The following RPAP1 variants were observed in gnomAD, a reference collection of about 807,000 sequenced individuals.
The protein encoded by RPAP1 is RNA polymerase II-associated protein 1.
A neutral mutation model predicts 142.4 loss-of-function variants in RPAP1; 109 were observed. The observed-to-expected ratio is 0.77, with a 90% CI of 0.66 to 0.90. The LOEUF (loss-of-function observed/expected upper bound fraction) is 0.90. Among genes scored for constraint, RPAP1 ranks in the 40% least tolerant of loss-of-function variants. The pLI, the probability that RPAP1 is intolerant of heterozygous loss-of-function variation, is 0.00. For synonymous variants in RPAP1, 704 were observed against 738.9 expected (o/e 0.95, Z 0.77); for missense variants, 1,546 against 1,751.7 (o/e 0.88, Z 2.10).
At chr15:41,520,178 C>T (rs911719292) in intron 22 of RPAP1, 2 of 589,810 alleles carry the variant, frequency 3.4e-6, no homozygotes, top group Non-Finnish European at 6.0e-6. Context: ...AAGTGATCCA[C>T]CCACCTCAGC....
rs8027526 is a variant in RPAP1 at position 41,523,318 on chromosome 15, G to T, written c.2473C>A (p.Gln825Lys). The change falls in exon 18 of 25, where the codon CAG (glutamine) becomes AAG (lysine). Residue 825 changes from glutamine to lysine, a missense_variant. Gln to Lys is a moderately conservative substitution (Grantham distance 53, BLOSUM62 1). This residue lies in a region of RPAP1 where 1,333 missense variants were observed against 1,486.6 expected (regional missense o/e 0.90). Coordinates refer to ENST00000304330, the MANE Select transcript of RPAP1 (RefSeq NM_015540.4). ...AGCAGCAGCTCCTCTGACAGGCGCT[G>T]CATGTCCTGGAGCCAATCCTCCGGG... Reference protein sequence around the residue: ...SCPEDWLQDMQRLSEELLLPL... With the variant: ...SCPEDWLQDMKRLSEELLLPL... The T allele has an allele frequency of 1.2e-6, 2 of 1,611,252 alleles. No individual in the cohort carries two copies. The highest frequency in any genetic ancestry group is 1.1e-5 in the South Asian group (1 of 90,684).
chr15:41,541,640 G>T (rs1361736388), intron 1 of RPAP1, among the ~76,000 whole-genome samples: 1 of 152,134 alleles, frequency 6.6e-6, no homozygotes, highest in Non-Finnish European at 1.5e-5. Flanking sequence ...GAGGTCAGAA[G>T]ATCGAGACCA....
Position 41,524,093 on chromosome 15 carries a change from T to C in RPAP1, c.2234+3A>G, listed in dbSNP as rs2051762864. The C allele has an allele frequency of 6.3e-7, 1 of 1,589,344 alleles. No individual in the cohort carries two copies. Among genetic ancestry groups the C allele is most frequent in the Non-Finnish European group, 8.6e-7 (1 of 1,165,252 alleles). On this transcript the variant is annotated splice_donor_region_variant and intron_variant, in intron 16 of 24. Coordinates refer to ENST00000304330, the MANE Select transcript of RPAP1 (RefSeq NM_015540.4). Reference sequence around the variant, plus strand: ...TGTCCTGTGGGTCCTGGCTATAAACTACCTGATGGTTTCAGCAGGGGTACT... The same window carrying C: ...TGTCCTGTGGGTCCTGGCTATAAACCACCTGATGGTTTCAGCAGGGGTACT...
At position 41,517,873 on chromosome 15, in the gene RPAP1, G is replaced by A; in HGVS notation, c.3973-16C>T. 1.2e-6 allele frequency: 2 copies of A among 1,614,154 alleles called. No homozygotes were observed. Among genetic ancestry groups the A allele is most frequent in the Non-Finnish European group, 1.7e-6 (2 of 1,180,034 alleles). On this transcript the variant is annotated splice_polypyrimidine_tract_variant and intron_variant, in intron 23 of 24. Transcript: ENST00000304330. ...TGACCTCATCCTAGAAGCAGAACAG[G>A]GAGAGGTGGCACTGAGCCGAGGGCT...
At position 41,524,992 on chromosome 15, in the gene RPAP1, TG is replaced by T; in HGVS notation, c.2073del (p.Tyr691Ter). ...AGCCTACCCCCTGCCTCTCCTCACC[TG>T]TAAAGGTAACCGCCCTGGCCATAGG... ...AASYGQGGYLYRELYPVLMRA... is the reference protein window; with the variant it reads ...AASYGQGGYLXRELYPVLMRA... On this transcript the variant is annotated frameshift_variant and splice_region_variant, in exon 15 of 25. Coordinates refer to ENST00000304330, the MANE Select transcript of RPAP1 (RefSeq NM_015540.4). LOFTEE classifies it high-confidence loss of function. 1 of 1,613,086 alleles carries T rather than the reference TG, an allele frequency of 6.2e-7. No homozygotes were observed. The highest frequency in any genetic ancestry group is 1.7e-5 in the Admixed American group (1 of 59,992).
chr15:41,518,281 C>A (rs1392295393), intron 22 of RPAP1, 99 bp from the exon 23 acceptor site: 3 of 1,019,268 alleles, frequency 2.9e-6, no homozygotes, highest in Non-Finnish European at 4.2e-6. Context: ...ATCATGAGGG[C>A]AGAGATCAGG....
At chr15:41,542,476 G>C (rs1490675310) in intron 1 of RPAP1, among the ~76,000 whole-genome samples, 2 of 152,186 alleles carry the variant, frequency 1.3e-5, no homozygotes, top group Non-Finnish European at 2.9e-5. Context: ...GGAAGTGGAT[G>C]AAGTGAGCAA....
chr15:41,522,909 A>G lies in RPAP1; in HGVS notation c.2598T>C (p.Ala866=). Residue 866 remains alanine, a synonymous_variant, in exon 19 of 25, where the codon GCT becomes GCC. Transcript: ENST00000304330. ...NPLSCVPALE[A]PPSLVSLGCS... is the part of the protein sequence containing the mutation. ...AGCCCAGTGACACGAGGCTGGGGGG[A>G]GCTTCAAGGGCTGGCACACAGGACA... 6.4e-7 allele frequency: 1 copy of G among 1,565,744 alleles called. No individual in the cohort carries two copies. The highest frequency in any genetic ancestry group is 8.6e-7 in the Non-Finnish European group (1 of 1,165,082).
chr15:41,525,207 C>G, intron 14 of RPAP1, 59 bp from the exon 15 acceptor site: 1 of 1,476,052 alleles, frequency 6.8e-7, no homozygotes, highest in Non-Finnish European at 9.1e-7. Flanking sequence ...TCCAGCTACT[C>G]TCAGCTGGAC....
rs1040051062 is a variant in RPAP1 at position 41,527,456 on chromosome 15, A to G, written c.1578T>C (p.Pro526=). 3 of 1,614,058 alleles carry G rather than the reference A, an allele frequency of 1.9e-6. No individual in the cohort carries two copies. The highest frequency in any genetic ancestry group is 2.5e-6 in the Non-Finnish European group (3 of 1,180,038). ...KRKSPEEESR[P]PPDLARHDVI... ...CATCATGTCGGGCCAGGTCAGGTGG[A>G]GGCCGGCTTTCTTCTTCAGGGCTTT... is the stretch of plus-strand genomic sequence containing the variant. The change falls in exon 12 of 25, where the codon CCT becomes CCC. Residue 526 remains proline, a synonymous_variant. Transcript: ENST00000304330.
intron 14 of RPAP1, 147 bp downstream of exon 14, chr15:41,526,751 G>T: frequency 1.2e-6 from 1 of 810,412 alleles, no homozygotes; most frequent in Non-Finnish European, 2.0e-6. Context: ...GTTCATGCCT[G>T]GTGATTTCTG....
At chr15:41,536,371 C>A (rs1246394442) in intron 3 of RPAP1, 130 bp downstream of exon 3, 1 of 1,383,464 alleles carries the variant, frequency 7.2e-7, no homozygotes, top group Non-Finnish European at 1.0e-6. Context: ...ACCCAGCCCC[C>A]AACCTGACCT....
chr15:41,522,811 G>A lies in RPAP1; in HGVS notation c.2696C>T (p.Ser899Phe), dbSNP rs758246198. The change falls in exon 19 of 25, where the codon TCT becomes TTT. Residue 899 changes from serine (S) to phenylalanine (F), a missense_variant. Physicochemically the swap from Ser to Phe is radical, Grantham distance 155. Around this residue, in one of 3 missense-constraint regions of RPAP1, gnomAD observed 1,333 missense variants for 1,486.6 expected, o/e 0.90. Transcript: ENST00000304330. Reference sequence around the variant, plus strand: ...GATCTGGGCCAGGGTATTAAGAAGAGAGAGGAGGGCAGTGAGGAATGGGAA... The same window carrying A: ...GATCTGGGCCAGGGTATTAAGAAGAAAGAGGAGGGCAGTGAGGAATGGGAA... ...SPFPFLTALL[S>F]LLNTLAQIHK... is the part of the protein sequence containing the mutation. 5 of 1,584,024 alleles carry A rather than the reference G, an allele frequency of 3.2e-6. No homozygotes were observed. Among genetic ancestry groups the A allele is most frequent in the Admixed American group, 1.9e-5 (1 of 51,988 alleles).
In RPAP1 at chr15:41,518,078, C is replaced by T. The variant is rs376633947; in HGVS notation, c.3900G>A (p.Trp1300Ter). The T allele has an allele frequency of 1.8e-5, 29 of 1,611,492 alleles. No homozygotes were observed. The highest frequency in any genetic ancestry group is 2.5e-5 in the Non-Finnish European group (29 of 1,179,354). ...CAGCCACAGCATAGAGCACGGGGCA[C>T]CAACGTGGGCGGAGCGCACCAGTAA... ...TLVTGALRPRWCPVLYAVAVA... is the reference protein window; with the variant it reads ...TLVTGALRPR The change falls in exon 23 of 25, where the codon TGG becomes TGA. Residue 1300 changes from tryptophan to a stop codon, truncating the protein, a stop_gained. Transcript: ENST00000304330. LOFTEE classifies it high-confidence loss of function.
At chr15:41,530,807 C>T (rs911043542) in intron 7 of RPAP1, among the ~76,000 whole-genome samples, 2 of 152,002 alleles carry the variant, frequency 1.3e-5, no homozygotes, top group Non-Finnish European at 2.9e-5. Context: ...AAAGGGAAGG[C>T]GGAGAAGGGG....
intron 3 of RPAP1, 105 bp downstream of exon 3, chr15:41,536,396 T>C: frequency 6.7e-7 from 1 of 1,482,244 alleles, no homozygotes; most frequent in Non-Finnish European, 9.3e-7. Flanking sequence ...GGTAAAAGTC[T>C]ACCTTTCTGA....
chr15:41,530,013 C>G (rs781088094), intron 7 of RPAP1, 34 bp from the exon 8 acceptor site: 20 of 1,558,302 alleles, frequency 1.3e-5, no homozygotes, highest in Non-Finnish European at 1.6e-5. Context: ...ATTACCCAAA[C>G]GGCTCAGCTC....
At chr15:41,525,292 CCTT>C (rs758862252) in intron 14 of RPAP1, 144 bp from the exon 15 acceptor site, 2 of 414,366 alleles carry the variant, frequency 4.8e-6, no homozygotes, top group Non-Finnish European at 8.4e-6. Context: ...CCCTGCCCTT[CCTT>C]CTTATTATTT....
Position 41,524,998 on chromosome 15 carries a change from G to A in RPAP1, c.2068C>T (p.Leu690Phe), listed in dbSNP as rs973710283. The A allele has an allele frequency of 3.7e-6, 6 of 1,613,406 alleles. No homozygotes were observed. In the South Asian group the frequency reaches 6.6e-5, roughly 18 times the overall value. The change falls in exon 15 of 25, where the codon CTT (leucine) becomes TTT (phenylalanine). Residue 690 changes from leucine (L) to phenylalanine (F), a missense_variant. By Grantham distance (22) the Leu-to-Phe change is conservative. This residue lies in a region of RPAP1 where 1,333 missense variants were observed against 1,486.6 expected (regional missense o/e 0.90). Coordinates refer to ENST00000304330, the MANE Select transcript of RPAP1 (RefSeq NM_015540.4). The stretch of plus-strand genomic sequence containing the variant: ...CCCCCTGCCTCTCCTCACCTGTAAA[G>A]GTAACCGCCCTGGCCATAGGAGGCA... ...VAASYGQGGY[L>F]YRELYPVLMR... is the part of the protein sequence containing the mutation.
Sources: allele counts gnomAD v4.1 joint callset (sites outside exome capture counted in the v4.1 genomes callset), GRCh38; gene constraint gnomAD v4.1.1; regional missense constraint gnomAD v4.1.1; transcripts MANE v1.5; gene names NCBI Gene and HGNC (gene_info 2026-07-23, HGNC 2026-07-21).